Variants in CSMD1 observed in about 807,000 individuals in gnomAD.
CSMD1 encodes the protein CUB and sushi domain-containing protein 1.
Under a neutral mutation model 417.5 loss-of-function variants are expected in CSMD1, and 213 were observed. That is an observed-to-expected ratio of 0.51 (90% CI 0.46 to 0.57). The LOEUF (loss-of-function observed/expected upper bound fraction) is 0.57. Among genes scored for constraint, CSMD1 ranks in the 20% least tolerant of loss-of-function variants. The pLI is 0.00. For synonymous variants in CSMD1, 2,862 were observed against 1,736.8 expected (o/e 1.65, Z -16.11); for missense variants, 6,923 against 4,529.7 (o/e 1.53, Z -15.17).
intron 3 of CSMD1, among the ~76,000 whole-genome samples, chr8:4,182,396 G>C (rs1056741935): frequency 6.6e-6 from 1 of 152,054 alleles, no homozygotes; most frequent in Non-Finnish European, 1.5e-5. Flanking sequence ...ACTTATTAGA[G>C]AGATCAGTAA....
chr8:3,283,576 C>T (rs949360194), intron 26 of CSMD1, among the ~76,000 whole-genome samples: 1 of 152,122 alleles, frequency 6.6e-6, no homozygotes, highest in East Asian at 1.9e-4. Context: ...GAGGAAACTG[C>T]AGAAGCAGGA....
At chr8:3,496,983 T>C (rs781741616) in intron 10 of CSMD1, among the ~76,000 whole-genome samples, 16 of 152,244 alleles carry the variant, frequency 1.1e-4, no homozygotes, top group Middle Eastern at 3.2e-3. Context: ...TCTAATTTTA[T>C]CTGTTACAGT....
intron 3 of CSMD1, among the ~76,000 whole-genome samples, chr8:4,200,475 G>C (rs551150252): frequency 3.9e-4 from 60 of 152,254 alleles, no homozygotes; most frequent in South Asian, 3.9e-3. Flanking sequence ...TGACAAAGTT[G>C]AATCTCAGAG....
intron 52 of CSMD1, among the ~76,000 whole-genome samples, chr8:3,012,097 G>A (rs997526662): frequency 6.6e-6 from 1 of 152,140 alleles, no homozygotes; most frequent in Non-Finnish European, 1.5e-5. Flanking sequence ...CAGTAATAAC[G>A]CAGGAGTGAT....
At chr8:4,785,563 T>A (rs1797360168) in intron 1 of CSMD1, among the ~76,000 whole-genome samples, 1 of 152,038 alleles carries the variant, frequency 6.6e-6, no homozygotes. Context: ...CACATCCATC[T>A]CCATAGTCCT....
intron 9 of CSMD1, among the ~76,000 whole-genome samples, chr8:3,578,316 C>T (rs985491258): frequency 6.6e-6 from 1 of 151,918 alleles, no homozygotes; most frequent in Non-Finnish European, 1.5e-5. Flanking sequence ...GAGTGAGTGT[C>T]CTTGCTCAGG....
intron 2 of CSMD1, among the ~76,000 whole-genome samples, chr8:4,497,572 G>T (rs1212413900): frequency 6.6e-6 from 1 of 152,188 alleles, no homozygotes; most frequent in African/African-American, 2.4e-5. Context: ...ACGGATGAGT[G>T]GAGTACACAT....
chr8:3,908,464 C>A (rs528505747), intron 5 of CSMD1, among the ~76,000 whole-genome samples: 9 of 152,238 alleles, frequency 5.9e-5, no homozygotes, highest in Admixed American at 5.2e-4. Flanking sequence ...CACACACATT[C>A]CCTGGGCCTT....
chr8:3,304,524 A>T (rs972345097), intron 25 of CSMD1, among the ~76,000 whole-genome samples: 2 of 152,164 alleles, frequency 1.3e-5, no homozygotes, highest in Non-Finnish European at 2.9e-5. Flanking sequence ...TTGATTGTCA[A>T]TTGAGGAAAT....
Position 3,392,842 on chromosome 8 carries a change from A to G in CSMD1, c.2593+3352T>C, listed in dbSNP as rs541155048. Among the ~76,000 whole-genome samples, 10 of 152,222 alleles carry G rather than the reference A, an allele frequency of 6.6e-5. 1 individual carries two copies. Among genetic ancestry groups the G allele is most frequent in the Admixed American group, 6.5e-4 (10 of 15,290 alleles). On this transcript the variant is annotated intron_variant, in intron 17 of 69. Transcript: ENST00000635120. ...GGGTTGCGAGCCTCTGAAAGCACTC[A>G]TATCTCTACACCACCCACAGAAATA... is the stretch of plus-strand genomic sequence containing the variant.
At chr8:4,685,128 G>A (rs1287629800) in intron 1 of CSMD1, among the ~76,000 whole-genome samples, 1 of 152,156 alleles carries the variant, frequency 6.6e-6, no homozygotes, top group African/African-American at 2.4e-5. Flanking sequence ...ACTCATAAAG[G>A]CAATGGAAAT....
intron 18 of CSMD1, among the ~76,000 whole-genome samples, chr8:3,382,126 G>A (rs777182471): frequency 3.9e-4 from 60 of 152,110 alleles, no homozygotes; most frequent in Non-Finnish European, 6.2e-4. Context: ...GGGCATGGTG[G>A]TGGGAGCCTG....
rs766799928 is a variant in CSMD1 at position 3,219,249 on chromosome 8, C to G, written c.4672+6G>C. 9 of 1,581,950 alleles carry G rather than the reference C, an allele frequency of 5.7e-6. No homozygotes were observed. The highest frequency in any genetic ancestry group is 7.7e-6 in the Non-Finnish European group (9 of 1,162,976). ...ATTCCCACTCAAATTCAGGCAATCGCAATACCTTTAAATTCAATGGCGAAC... is the reference window on the plus strand; with the variant it reads ...ATTCCCACTCAAATTCAGGCAATCGGAATACCTTTAAATTCAATGGCGAAC... On this transcript the variant is annotated splice_donor_region_variant and intron_variant, in intron 29 of 69. Coordinates refer to ENST00000635120, the MANE Select transcript of CSMD1 (RefSeq NM_033225.6).
chr8:3,895,448 T>C (rs1417599261), intron 5 of CSMD1, among the ~76,000 whole-genome samples: 30 of 152,132 alleles, frequency 2.0e-4, no homozygotes, highest in Non-Finnish European at 5.9e-5. Context: ...ATCCACAATG[T>C]TTAAATCTTA....
At chr8:4,421,706 T>A in intron 2 of CSMD1, among the ~76,000 whole-genome samples, 1 of 151,848 alleles carries the variant, frequency 6.6e-6, no homozygotes, top group Non-Finnish European at 1.5e-5. Context: ...AGGTAATTAG[T>A]CGCACTAAAA....
intron 12 of CSMD1, among the ~76,000 whole-genome samples, chr8:3,448,959 C>A (rs1335317793): frequency 6.6e-6 from 1 of 152,174 alleles, no homozygotes; most frequent in Non-Finnish European, 1.5e-5. Flanking sequence ...AAGAAGGTGA[C>A]AGCCAATCGC....
chr8:4,420,147 A>G, intron 2 of CSMD1, 82 bp from the exon 3 acceptor site: 1 of 888,916 alleles, frequency 1.1e-6, no homozygotes, highest in Non-Finnish European at 1.8e-6. Context: ...TCACTGAATA[A>G]CTTGAACAGT....
intron 2 of CSMD1, among the ~76,000 whole-genome samples, chr8:4,446,743 G>C (rs1018616603): frequency 4.3e-5 from 5 of 117,226 alleles, no homozygotes; most frequent in South Asian, 3.0e-4. Flanking sequence ...CTGTGTGTGT[G>C]TGTGTGTGTG....
chr8:4,357,355 G>A (rs990865116), intron 3 of CSMD1, among the ~76,000 whole-genome samples: 2 of 152,136 alleles, frequency 1.3e-5, no homozygotes, highest in Admixed American at 6.5e-5. Flanking sequence ...CAACAGGATC[G>A]TAGAGCTGAG....
Sources: allele counts gnomAD v4.1 joint callset (sites outside exome capture counted in the v4.1 genomes callset), GRCh38; gene constraint gnomAD v4.1.1; transcripts MANE v1.5; gene names NCBI Gene and HGNC (gene_info 2026-07-23, HGNC 2026-07-21).